The following PCSK5 variants were observed in gnomAD, a reference collection of about 807,000 sequenced individuals.
PCSK5 encodes prohormone convertase 5.
In PCSK5, 129 loss-of-function variants were observed where a neutral mutation model predicts 233.2. The ratio of observed to expected loss-of-function variants is 0.55; its 90% CI spans 0.48 to 0.64. The LOEUF is 0.64. Ranked by LOEUF, PCSK5 falls within the 30% of genes least tolerant of loss-of-function variation. PCSK5 has a pLI of 0.00. For missense variants in PCSK5, 2,076 were observed against 2,430.1 expected (o/e 0.85, Z 3.06); for synonymous variants, 825 against 879.2 (o/e 0.94, Z 1.09).
chr9:76,309,918 C>T (rs533377504), intron 29 of PCSK5, among the ~76,000 whole-genome samples: 19 of 152,068 alleles, frequency 1.2e-4, no homozygotes, highest in South Asian at 6.2e-4. Flanking sequence ...AGTTGTTTTT[C>T]GATTGAAAAA....
chr9:76,230,492 C>T (rs931305952), intron 21 of PCSK5, among the ~76,000 whole-genome samples: 11 of 152,096 alleles, frequency 7.2e-5, no homozygotes, highest in Non-Finnish European at 1.2e-4. Context: ...CAAATGATTT[C>T]CCCCCCAAAC....
chr9:76,174,999 A>G lies in PCSK5; in HGVS notation c.1770A>G (p.Glu590=), dbSNP rs1468054545. The change falls in exon 14 of 38, where the codon GAA becomes GAG. Residue 590 remains glutamate (E), a synonymous_variant. Coordinates refer to ENST00000674117, the MANE Select transcript of PCSK5 (RefSeq NM_001372043.1). ...TTATTTCTCAAGGTAAATTGAAAGA[A>G]TGGTCTTTGGTCCTCTACGGCACCT... The part of the protein sequence containing the change: ...RNFKTPGKLK[E]WSLVLYGTSV... The G allele has an allele frequency of 5.0e-6, 8 of 1,598,680 alleles. No homozygotes were observed. The highest frequency in any genetic ancestry group is 2.2e-5 in the East Asian group (1 of 44,726).
chr9:76,101,885 A>G (rs1300522042), intron 8 of PCSK5, among the ~76,000 whole-genome samples: 1 of 152,178 alleles, frequency 6.6e-6, no homozygotes, highest in East Asian at 1.9e-4. Flanking sequence ...TTTCAAATGC[A>G]TTCACCATTT....
chr9:76,026,182 G>T (rs969024294), intron 4 of PCSK5, among the ~76,000 whole-genome samples: 5 of 152,180 alleles, frequency 3.3e-5, no homozygotes, highest in Admixed American at 2.6e-4. Flanking sequence ...TTGATCAATT[G>T]TAACTAGTAA....
At chr9:76,032,659 A>G (rs1002879693) in intron 5 of PCSK5, among the ~76,000 whole-genome samples, 2 of 152,198 alleles carry the variant, frequency 1.3e-5, no homozygotes, top group Non-Finnish European at 2.9e-5. Flanking sequence ...GCCTCCATTC[A>G]TATTAGCTTG....
At chr9:76,059,820 A>T (rs1305993184) in intron 5 of PCSK5, among the ~76,000 whole-genome samples, 3 of 152,154 alleles carry the variant, frequency 2.0e-5, no homozygotes, top group Non-Finnish European at 4.4e-5. Context: ...TACAGGATAA[A>T]AAAACGTCAA....
In PCSK5 at chr9:76,321,643, C is replaced by T. The variant is rs995990828; in HGVS notation, c.4102+4C>T. 4.4e-6 allele frequency: 7 copies of T among 1,596,968 alleles called. No homozygotes were observed. The highest frequency in any genetic ancestry group is 1.3e-5 in the African/African-American group (1 of 74,588). ...ATCCATGAGAAAACATGCAAAGGTACCTAGGAGCTTCCCACAGGAGAGCAA... is the reference window on the plus strand; with the variant it reads ...ATCCATGAGAAAACATGCAAAGGTATCTAGGAGCTTCCCACAGGAGAGCAA... On this transcript the variant is annotated splice_donor_region_variant and intron_variant, in intron 31 of 37. Coordinates refer to ENST00000674117, the MANE Select transcript of PCSK5 (RefSeq NM_001372043.1).
At chr9:76,050,860 T>G (rs7047865) in intron 5 of PCSK5, among the ~76,000 whole-genome samples, 75,769 of 151,852 alleles carry the variant, frequency 0.5, 20,411 homozygotes, top group African/African-American at 0.7. Context: ...ACCAAGAGAG[T>G]CCAGCAATCC....
Position 76,292,229 on chromosome 9 carries a change from C to A in PCSK5, c.3143-4C>A. 3 of 1,476,472 alleles carry A rather than the reference C, an allele frequency of 2.0e-6. No individual in the cohort carries two copies. The highest frequency in any genetic ancestry group is 2.8e-6 in the Non-Finnish European group (3 of 1,071,034). The allele number at this position is 1,476,472 out of a possible 1,614,324, so 91.5% of individuals were successfully genotyped here. The stretch of plus-strand genomic sequence containing the variant: ...TATTACTTTTTATTATTTTTTTTTT[C>A]CAGATGATCCAGGAACATGTACATC... On this transcript the variant is annotated splice_region_variant and splice_polypyrimidine_tract_variant and intron_variant, in intron 24 of 37. Transcript: ENST00000674117.
intron 24 of PCSK5, among the ~76,000 whole-genome samples, chr9:76,289,380 C>T (rs1049339461): frequency 2.0e-5 from 3 of 151,676 alleles, no homozygotes; most frequent in South Asian, 2.1e-4. Flanking sequence ...TCAAATCACC[C>T]GAGCTATTTA....
At chr9:76,080,262 C>T (rs555251004) in intron 7 of PCSK5, among the ~76,000 whole-genome samples, 1 of 152,294 alleles carries the variant, frequency 6.6e-6, no homozygotes, top group East Asian at 1.9e-4. Flanking sequence ...CTTCTCTGAG[C>T]TCTCATCTAA....
At chr9:76,144,984 G>T (rs1386371481) in intron 10 of PCSK5, among the ~76,000 whole-genome samples, 1 of 151,852 alleles carries the variant, frequency 6.6e-6, no homozygotes, top group East Asian at 1.9e-4. Flanking sequence ...AATTAGCTGG[G>T]TGTGGTGGTG....
intron 5 of PCSK5, among the ~76,000 whole-genome samples, chr9:76,056,942 A>T (rs932622584): frequency 6.6e-6 from 1 of 152,136 alleles, no homozygotes; most frequent in Non-Finnish European, 1.5e-5. Context: ...CATCTTAGTA[A>T]TATTGTGGGC....
intron 10 of PCSK5, among the ~76,000 whole-genome samples, chr9:76,155,547 G>A (rs1445069803): frequency 6.6e-6 from 1 of 152,150 alleles, no homozygotes; most frequent in Non-Finnish European, 1.5e-5. Context: ...GCAATTGATG[G>A]CACAGATAAA....
At chr9:76,258,458 G>A (rs1489381206) in intron 24 of PCSK5, among the ~76,000 whole-genome samples, 1 of 152,180 alleles carries the variant, frequency 6.6e-6, no homozygotes, top group African/African-American at 2.4e-5. Flanking sequence ...CATGCTAGCT[G>A]CCCAAGCTAA....
In PCSK5 at chr9:76,296,870, G is replaced by C; in HGVS notation, c.3523+5G>C. The C allele has an allele frequency of 6.3e-7, 1 of 1,588,234 alleles. No homozygotes were observed. The highest frequency in any genetic ancestry group is 8.6e-7 in the Non-Finnish European group (1 of 1,167,638). Reference sequence around the variant, plus strand: ...AGGAGGGCAAATTCTGGAATGGTATGTGCCCCCCAAAAAAGAGGTCACAGG... The same window carrying C: ...AGGAGGGCAAATTCTGGAATGGTATCTGCCCCCCAAAAAAGAGGTCACAGG... On this transcript the variant is annotated splice_donor_5th_base_variant and intron_variant, in intron 27 of 37. Transcript: ENST00000674117.
chr9:76,324,882 A>G (rs1310885468), intron 32 of PCSK5, among the ~76,000 whole-genome samples: 3 of 151,950 alleles, frequency 2.0e-5, no homozygotes, highest in African/African-American at 7.3e-5. Context: ...AGATGTCCAG[A>G]GGCAATTCCC....
At chr9:76,091,218 G>A (rs1167546435) in intron 7 of PCSK5, among the ~76,000 whole-genome samples, 1 of 152,086 alleles carries the variant, frequency 6.6e-6, no homozygotes, top group African/African-American at 2.4e-5. Context: ...CCAAGACCAC[G>A]ATGCTTGTAG....
At chr9:76,314,511 C>T (rs1828962197) in intron 30 of PCSK5, among the ~76,000 whole-genome samples, 1 of 152,090 alleles carries the variant, frequency 6.6e-6, no homozygotes, top group Non-Finnish European at 1.5e-5. Flanking sequence ...CATCCTAGAA[C>T]AGCAATAAGA....
Sources: allele counts gnomAD v4.1 joint callset (sites outside exome capture counted in the v4.1 genomes callset), GRCh38; gene constraint gnomAD v4.1.1; transcripts MANE v1.5; gene names NCBI Gene and HGNC (gene_info 2026-07-23, HGNC 2026-07-21).